Variants in PALM2AKAP2 observed in about 807,000 individuals in gnomAD.
PALM2AKAP2 encodes PALM2 and AKAP2 fusion, also known as PALM2-AKAP2 fusion protein.
Under a neutral mutation model 71.5 loss-of-function variants are expected in PALM2AKAP2, and 37 were observed. The observed-to-expected ratio is 0.52, with a 90% CI of 0.40 to 0.68. The LOEUF (loss-of-function observed/expected upper bound fraction) is 0.68. Among genes scored for constraint, PALM2AKAP2 ranks in the 30% least tolerant of loss-of-function variants. The probability of loss-of-function intolerance (pLI) is 0.00; values close to 1 mark genes in which losing one functional copy is unlikely to be tolerated. For missense variants in PALM2AKAP2, 1,224 were observed against 1,191.8 expected (o/e 1.03, Z -0.40); for synonymous variants, 468 against 478.8 (o/e 0.98, Z 0.29).
intron 1 of PALM2AKAP2, among the ~76,000 whole-genome samples, chr9:110,091,888 G>A (rs1408851073): frequency 6.6e-6 from 1 of 152,174 alleles, no homozygotes; most frequent in African/African-American, 2.4e-5. Context: ...ACAGTTCCAT[G>A]ATCCCCTAAA....
chr9:110,067,751 C>T (rs1034200278), intron 1 of PALM2AKAP2, among the ~76,000 whole-genome samples: 1 of 152,184 alleles, frequency 6.6e-6, no homozygotes, highest in Admixed American at 6.5e-5. Context: ...CCTGAAAATG[C>T]TGGCTAAAAC....
At chr9:109,727,466 A>T (rs74979458) in intron 1 of PALM2AKAP2, among the ~76,000 whole-genome samples, 4,031 of 91,344 alleles carry the variant, frequency 0.044, 133 homozygotes, top group East Asian at 0.24. Flanking sequence ...AAGTTCCATT[A>T]ACAACATTAA....
chr9:109,827,101 A>T (rs1277198082), intron 1 of PALM2AKAP2, among the ~76,000 whole-genome samples: 1 of 152,090 alleles, frequency 6.6e-6, no homozygotes, highest in Non-Finnish European at 1.5e-5. Context: ...TAGTCTGAGG[A>T]CTCTAATTAG....
intron 1 of PALM2AKAP2, among the ~76,000 whole-genome samples, chr9:109,859,011 T>G (rs1421015824): frequency 6.6e-6 from 1 of 152,210 alleles, no homozygotes; most frequent in Non-Finnish European, 1.5e-5. Flanking sequence ...ATGGAAACTC[T>G]GCTGTGTTGT....
At chr9:109,817,012 C>T (rs1827871000) in intron 1 of PALM2AKAP2, among the ~76,000 whole-genome samples, 1 of 152,144 alleles carries the variant, frequency 6.6e-6, no homozygotes, top group Non-Finnish European at 1.5e-5. Context: ...CAACTTTATT[C>T]AACCAGATTT....
chr9:110,029,068 C>T (rs982811349), intron 7 of PALM2AKAP2, among the ~76,000 whole-genome samples: 1 of 152,084 alleles, frequency 6.6e-6, no homozygotes, highest in African/African-American at 2.4e-5. Flanking sequence ...AAGGGACATC[C>T]CTTGATATGC....
chr9:110,091,363 G>A (rs10816922), intron 1 of PALM2AKAP2, among the ~76,000 whole-genome samples: 27,402 of 151,184 alleles, frequency 0.18, 3,315 homozygotes, highest in African/African-American at 0.34. Context: ...GACTTATAAT[G>A]TGTGTGATCC....
At chr9:110,097,562 G>T (rs921340444) in intron 1 of PALM2AKAP2, among the ~76,000 whole-genome samples, 1 of 151,172 alleles carries the variant, frequency 6.6e-6, no homozygotes, top group Non-Finnish European at 1.5e-5. Flanking sequence ...CTCAGGCGAT[G>T]GGTGGCCGGG....
intron 1 of PALM2AKAP2, among the ~76,000 whole-genome samples, chr9:110,079,490 C>G (rs2118679501): frequency 6.6e-6 from 1 of 152,046 alleles, no homozygotes. Context: ...AGTGAGACTC[C>G]ATCTCCAAAA....
At chr9:109,695,064 A>G (rs1827951010) in intron 1 of PALM2AKAP2, among the ~76,000 whole-genome samples, 1 of 152,188 alleles carries the variant, frequency 6.6e-6, no homozygotes, top group Admixed American at 6.5e-5. Flanking sequence ...AATGTAAAAA[A>G]TAAAGCCATA....
intron 1 of PALM2AKAP2, among the ~76,000 whole-genome samples, chr9:109,814,562 T>C (rs1190560315): frequency 1.3e-5 from 2 of 152,200 alleles, no homozygotes; most frequent in African/African-American, 4.8e-5. Context: ...TAAGTGTTGA[T>C]GGCCTTCTGT....
At chr9:110,122,202 A>G (rs4978870) in intron 1 of PALM2AKAP2, among the ~76,000 whole-genome samples, 95,373 of 152,036 alleles carry the variant, frequency 0.63, 29,961 homozygotes, top group East Asian at 0.75. Flanking sequence ...GCTACTTTTC[A>G]AATTTTGTAG....
intron 1 of PALM2AKAP2, among the ~76,000 whole-genome samples, chr9:109,860,377 C>T (rs1283970548): frequency 6.6e-6 from 1 of 152,116 alleles, no homozygotes; most frequent in Non-Finnish European, 1.5e-5. Flanking sequence ...GTTGGGTCCC[C>T]ACTTGCAAGT....
intron 1 of PALM2AKAP2, among the ~76,000 whole-genome samples, chr9:109,727,969 C>T (rs916305668): frequency 2.6e-5 from 4 of 152,220 alleles, no homozygotes; most frequent in Non-Finnish European, 2.9e-5. Context: ...GAGAAAACCT[C>T]TTGGGCCTCC....
intron 1 of PALM2AKAP2, among the ~76,000 whole-genome samples, chr9:110,107,790 C>T (rs929683717): frequency 6.6e-6 from 1 of 152,134 alleles, no homozygotes; most frequent in Non-Finnish European, 1.5e-5. Context: ...TGGTCTTGAA[C>T]TCCTGGCCTC....
chr9:110,126,130 A>G (rs572776809), intron 1 of PALM2AKAP2, among the ~76,000 whole-genome samples: 3 of 152,182 alleles, frequency 2.0e-5, no homozygotes, highest in Non-Finnish European at 4.4e-5. Context: ...TGTCTCTTGG[A>G]GGTCCCATGG....
chr9:110,127,696 G>C (rs1317525018), intron 1 of PALM2AKAP2: 1 of 152,196 alleles, frequency 6.6e-6, no homozygotes, highest in Non-Finnish European at 1.5e-5. Context: ...CCTTCCTGTC[G>C]TCGTTAGCAG....
chr9:109,665,216 T>C (rs1374930375), intron 1 of PALM2AKAP2, among the ~76,000 whole-genome samples: 1 of 152,220 alleles, frequency 6.6e-6, no homozygotes, highest in Non-Finnish European at 1.5e-5. Context: ...TCCGTCCATC[T>C]TTGTTCCATT....
intron 3 of PALM2AKAP2, among the ~76,000 whole-genome samples, chr9:110,161,681 C>T (rs953096880): frequency 2.0e-5 from 3 of 152,006 alleles, no homozygotes; most frequent in African/African-American, 4.8e-5. Flanking sequence ...GGTTACAAGA[C>T]GGCTTTGGGG....
Sources: gnomAD v4.1 joint callset for allele counts (sites outside exome capture counted in the v4.1 genomes callset) on GRCh38, gnomAD v4.1.1 for gene constraint, MANE v1.5 for transcripts, NCBI Gene and HGNC (gene_info 2026-07-23, HGNC 2026-07-21) for gene names.